The following SGCD variants were observed in gnomAD, a reference collection of about 807,000 sequenced individuals.
SGCD encodes sarcoglycan delta, also known as delta-sarcoglycan.
Under a neutral mutation model 36.6 loss-of-function variants are expected in SGCD, and 18 were observed. The ratio of observed to expected loss-of-function variants is 0.49; its 90% CI spans 0.34 to 0.73. SGCD has a LOEUF of 0.73. SGCD is among the 30% of genes least tolerant of loss of function. The pLI is 0.01. For missense variants in SGCD, 387 were observed against 346.7 expected (o/e 1.12, Z -0.92); for synonymous variants, 133 against 130.6 (o/e 1.02, Z -0.12).
At chr5:156,440,705 A>G (rs1043472619) in intron 3 of SGCD, among the ~76,000 whole-genome samples, 1 of 152,250 alleles carries the variant, frequency 6.6e-6, no homozygotes, top group South Asian at 2.1e-4. Flanking sequence ...TTCCCTATTG[A>G]TGAATGATAA....
intron 3 of SGCD, among the ~76,000 whole-genome samples, chr5:156,172,919 T>C (rs1763378052): frequency 6.6e-6 from 1 of 152,094 alleles, no homozygotes. Context: ...TAATAAGCTA[T>C]CCTGAAAGTA....
At chr5:156,608,003 T>C (rs570675156) in intron 6 of SGCD, among the ~76,000 whole-genome samples, 4 of 152,350 alleles carry the variant, frequency 2.6e-5, no homozygotes, top group African/African-American at 9.6e-5. Context: ...AGCTCCTGGA[T>C]TCATTGAGCT....
At chr5:156,380,034 C>T (rs540587888) in intron 3 of SGCD, among the ~76,000 whole-genome samples, 5 of 151,906 alleles carry the variant, frequency 3.3e-5, no homozygotes, top group East Asian at 3.9e-4. Flanking sequence ...TGTGGGCTCC[C>T]CCAGGTCTAG....
intron 3 of SGCD, among the ~76,000 whole-genome samples, chr5:156,141,227 G>A (rs1443467624): frequency 1.3e-5 from 2 of 152,224 alleles, no homozygotes; most frequent in Non-Finnish European, 2.9e-5. Flanking sequence ...TGCCACAGGG[G>A]CGGGAAGGCA....
rs1178152852 is a variant in SGCD at position 156,764,919 on chromosome 5, AC to A, written c.*5530del. On this transcript the variant is annotated 3_prime_UTR_variant, in exon 9 of 9. Transcript: ENST00000337851. ...GGTGGAATAGAACAAAGAAACAGCC[AC>A]TGTAATCGAGAAGCATGTTTACTGT... 6.6e-6 allele frequency: 1 copy of A among 152,210 alleles called. No individual in the cohort carries two copies. The highest frequency in any genetic ancestry group is 1.5e-5 in the Non-Finnish European group (1 of 68,038). 9.4% of individuals were successfully genotyped at this position (152,210 alleles called of 1,614,324 possible). A position where few individuals can be genotyped will look rare whatever the true frequency, so the allele number is the denominator to read the frequency against.
At chr5:156,177,842 G>T (rs55866075) in intron 3 of SGCD, among the ~76,000 whole-genome samples, 44,628 of 151,888 alleles carry the variant, frequency 0.29, 6,990 homozygotes, top group East Asian at 0.57. Context: ...TTAATGGGCG[G>T]CATTGACCAA....
At chr5:156,452,769 G>A (rs939906482) in intron 3 of SGCD, among the ~76,000 whole-genome samples, 1 of 152,228 alleles carries the variant, frequency 6.6e-6, no homozygotes, top group African/African-American at 2.4e-5. Flanking sequence ...AATTAACCCT[G>A]ACATGCTGGA....
chr5:156,370,074 G>A (rs1431205163), intron 3 of SGCD, among the ~76,000 whole-genome samples: 3 of 151,996 alleles, frequency 2.0e-5, no homozygotes, highest in Non-Finnish European at 4.4e-5. Flanking sequence ...GTTCTCAGTG[G>A]GCACCCTCCA....
intron 3 of SGCD, among the ~76,000 whole-genome samples, chr5:156,286,273 T>C (rs1393746852): frequency 6.6e-6 from 1 of 152,178 alleles, no homozygotes; most frequent in Non-Finnish European, 1.5e-5. Flanking sequence ...TGGCGATTCC[T>C]CAGGGATCTA....
chr5:156,458,245 A>C (rs185352668), intron 3 of SGCD, among the ~76,000 whole-genome samples: 1 of 152,160 alleles, frequency 6.6e-6, no homozygotes, highest in Non-Finnish European at 1.5e-5. Context: ...ACATGCCCCA[A>C]ATACCAAGAC....
intron 3 of SGCD, among the ~76,000 whole-genome samples, chr5:156,433,685 C>CA (rs1042432006): frequency 2.0e-4 from 31 of 152,152 alleles, no homozygotes; most frequent in African/African-American, 7.5e-4. Flanking sequence ...TGATATTAGG[C>CA]AAAAAAGTCT....
upstream of SGCD, among the ~76,000 whole-genome samples, chr5:156,322,785 G>A (rs1767705794): frequency 1.3e-5 from 2 of 152,212 alleles, no homozygotes; most frequent in Admixed American, 1.3e-4. Context: ...CAGCAGATGA[G>A]GCTAAAGAAG....
chr5:156,373,138 C>T (rs1324512878), intron 3 of SGCD, among the ~76,000 whole-genome samples: 1 of 152,128 alleles, frequency 6.6e-6, no homozygotes, highest in African/African-American at 2.4e-5. Context: ...GAGTAGGTTT[C>T]ATTTGTGCTC....
upstream of SGCD, among the ~76,000 whole-genome samples, chr5:155,867,909 G>A (rs1228311614): frequency 6.6e-6 from 1 of 152,156 alleles, no homozygotes; most frequent in African/African-American, 2.4e-5. Flanking sequence ...AAGTGGCTGA[G>A]TCAGTCCTGG....
At chr5:156,056,761 A>G (rs1259818469) in intron 1 of SGCD, among the ~76,000 whole-genome samples, 1 of 145,378 alleles carries the variant, frequency 6.9e-6, no homozygotes, top group Non-Finnish European at 1.5e-5. Flanking sequence ...CTCTATTGCA[A>G]TTCTCCTGTC....
intron 3 of SGCD, among the ~76,000 whole-genome samples, chr5:156,133,154 ATTCAAT>A (rs1167827376): frequency 6.6e-6 from 1 of 152,174 alleles, no homozygotes; most frequent in Admixed American, 6.6e-5. Flanking sequence ...TTGCAGTTTC[ATTCAAT>A]TTCAAGTGAA....
chr5:155,978,188 G>T (rs1758158975), intron 1 of SGCD, among the ~76,000 whole-genome samples: 1 of 152,130 alleles, frequency 6.6e-6, no homozygotes, highest in Non-Finnish European at 1.5e-5. Flanking sequence ...TGTGTATTTG[G>T]GGTTCCAATT....
chr5:156,250,700 G>T (rs756209902), intron 3 of SGCD, among the ~76,000 whole-genome samples: 1 of 152,304 alleles, frequency 6.6e-6, no homozygotes, highest in Non-Finnish European at 1.5e-5. Flanking sequence ...CTCTGTTAGG[G>T]TGTTTTAGTG....
chr5:156,585,243 G>T (rs1760446230), intron 4 of SGCD, among the ~76,000 whole-genome samples: 1 of 152,112 alleles, frequency 6.6e-6, no homozygotes, highest in Non-Finnish European at 1.5e-5. Flanking sequence ...ATCTACCCAA[G>T]CATATTTATA....
Sources: gnomAD v4.1 joint callset for allele counts (sites outside exome capture counted in the v4.1 genomes callset) on GRCh38, gnomAD v4.1.1 for gene constraint, MANE v1.5 for transcripts, NCBI Gene and HGNC (gene_info 2026-07-23, HGNC 2026-07-21) for gene names.